Variants in RASSF3 observed in about 807,000 individuals in gnomAD.
The protein encoded by RASSF3 is ras association domain-containing protein 3.
RASSF3 carries 19 observed loss-of-function variants against 19.9 expected under a neutral mutation model. The ratio of observed to expected loss-of-function variants is 0.96; its 90% CI spans 0.67 to 1.40. The LOEUF is 1.40. Ranked by LOEUF, RASSF3 falls within the 40% of genes most tolerant of loss-of-function variation. The pLI is 0.00. For synonymous variants in RASSF3, 110 were observed against 104.2 expected (o/e 1.06, Z -0.34); for missense variants, 306 against 289.8 (o/e 1.06, Z -0.41).
At chr12:64,518,871 G>C (rs908657888) in intron 1 of RASSF3, among the ~76,000 whole-genome samples, 1 of 152,176 alleles carries the variant, frequency 6.6e-6, no homozygotes, top group Non-Finnish European at 1.5e-5. Flanking sequence ...TATTCAAAGA[G>C]AGATATGGTC....
At position 64,559,282 on chromosome 12, in the gene RASSF3, C is replaced by T. The variant is rs369377846; in HGVS notation, c.294+17577C>T. 7.5e-4 allele frequency among the ~76,000 whole-genome samples: 110 copies of T among 146,560 alleles called. 1 individual carries two copies. The South Asian group carries it at 9.2e-3, about 12-fold the overall frequency. On this transcript the variant is annotated intron_variant, in intron 2 of 5. Coordinates refer to the RASSF3 transcript ENST00000637125. The stretch of plus-strand genomic sequence containing the variant: ...TTTTTGAGGCGGAGTCTCACACTGT[C>T]GTCCAGGCTGGAGTGCAGTGGCGCG...
At chr12:64,659,001 T>C (rs1181527244) in intron 1 of RASSF3, among the ~76,000 whole-genome samples, 1 of 152,128 alleles carries the variant, frequency 6.6e-6, no homozygotes, top group African/African-American at 2.4e-5. Flanking sequence ...GCCCAAGAGT[T>C]TATTAAGGCT....
intron 2 of RASSF3, among the ~76,000 whole-genome samples, chr12:64,587,495 G>A (rs909091414): frequency 3.3e-5 from 5 of 152,170 alleles, no homozygotes; most frequent in African/African-American, 1.2e-4. Context: ...AGACTGTTAT[G>A]CTGCCTGGCC....
chr12:64,631,230 C>T (rs1413756158), intron 1 of RASSF3, among the ~76,000 whole-genome samples: 1 of 152,046 alleles, frequency 6.6e-6, no homozygotes, highest in South Asian at 2.1e-4. Flanking sequence ...GGGTGGTTGT[C>T]CTGGGATCGG....
intron 1 of RASSF3, among the ~76,000 whole-genome samples, chr12:64,512,873 A>G (rs969698822): frequency 2.0e-5 from 3 of 152,180 alleles, no homozygotes; most frequent in African/African-American, 4.8e-5. Context: ...AGAAAGTAGC[A>G]TAAGTTTATT....
At chr12:64,576,943 T>C (rs1200492740) in intron 2 of RASSF3, among the ~76,000 whole-genome samples, 1 of 151,690 alleles carries the variant, frequency 6.6e-6, no homozygotes, top group African/African-American at 2.4e-5. Context: ...GCATGCATGC[T>C]ATAATAACAA....
At chr12:64,599,683 T>C (rs1275809196) in intron 2 of RASSF3, among the ~76,000 whole-genome samples, 1 of 152,096 alleles carries the variant, frequency 6.6e-6, no homozygotes, top group Non-Finnish European at 1.5e-5. Flanking sequence ...ATGCCACGCT[T>C]CCAGGGGAAG....
intron 2 of RASSF3, among the ~76,000 whole-genome samples, chr12:64,553,451 C>G (rs1869199092): frequency 6.6e-6 from 1 of 152,070 alleles, no homozygotes; most frequent in Admixed American, 6.6e-5. Context: ...TTAAGAATTA[C>G]AAGAAGATAG....
intron 1 of RASSF3, among the ~76,000 whole-genome samples, chr12:64,613,090 A>G (rs949004198): frequency 5.9e-5 from 9 of 152,324 alleles, no homozygotes; most frequent in African/African-American, 1.9e-4. Flanking sequence ...TATTTAAAGA[A>G]GTGATATGAA....
intron 2 of RASSF3, among the ~76,000 whole-genome samples, chr12:64,558,099 A>T (rs937412557): frequency 6.6e-6 from 1 of 152,170 alleles, no homozygotes. Context: ...AAAAGTGACC[A>T]GTTCTCTTGC....
intron 2 of RASSF3, among the ~76,000 whole-genome samples, chr12:64,580,436 C>T (rs966715546): frequency 6.6e-6 from 1 of 152,106 alleles, no homozygotes; most frequent in South Asian, 2.1e-4. Flanking sequence ...CAGTGGTTCA[C>T]ACCTGTAGTC....
chr12:64,552,624 G>A (rs755904130), intron 2 of RASSF3, among the ~76,000 whole-genome samples: 1 of 152,106 alleles, frequency 6.6e-6, no homozygotes, highest in Non-Finnish European at 1.5e-5. Flanking sequence ...AGAACATGTG[G>A]TGTTTGGTTT....
At chr12:64,587,139 C>T (rs554536405) in intron 2 of RASSF3, among the ~76,000 whole-genome samples, 19 of 84 alleles carry the variant, frequency 0.23, no homozygotes, top group South Asian at 0.42. Context: ...CTGCAACCTC[C>T]GCCTCCTAGG....
intron 1 of RASSF3, among the ~76,000 whole-genome samples, chr12:64,637,247 A>G (rs1033346739): frequency 6.6e-6 from 1 of 152,104 alleles, no homozygotes; most frequent in Non-Finnish European, 1.5e-5. Context: ...AGAAGCTTGG[A>G]TTTGGGTTTT....
At chr12:64,693,194 A>G (rs1035732043) in intron 4 of RASSF3, among the ~76,000 whole-genome samples, 5 of 142,344 alleles carry the variant, frequency 3.5e-5, no homozygotes, top group Non-Finnish European at 7.5e-5. Context: ...TTCTCCAGGA[A>G]TTCTTCTACC....
chr12:64,536,997 C>T (rs911788753), intron 1 of RASSF3, among the ~76,000 whole-genome samples: 1 of 152,232 alleles, frequency 6.6e-6, no homozygotes, highest in Non-Finnish European at 1.5e-5. Flanking sequence ...TCCTGACGGC[C>T]ACATCTCCTG....
intron 2 of RASSF3, among the ~76,000 whole-genome samples, chr12:64,572,662 T>G (rs941591445): frequency 1.5e-4 from 23 of 152,220 alleles, no homozygotes; most frequent in African/African-American, 5.3e-4. Context: ...TTTACTAAAT[T>G]AATGAAAGAG....
intron 1 of RASSF3, chr12:64,628,581 C>T (rs931060745): frequency 6.6e-6 from 1 of 151,676 alleles, no homozygotes; most frequent in Non-Finnish European, 1.5e-5. Context: ...ACTGCAACCC[C>T]ACCTCCCAGG....
At chr12:64,647,561 C>G (rs936405785) in intron 1 of RASSF3, among the ~76,000 whole-genome samples, 4 of 152,052 alleles carry the variant, frequency 2.6e-5, no homozygotes, top group Non-Finnish European at 5.9e-5. Context: ...CAGGCATCCA[C>G]CACCACGCCC....
Sources: gnomAD v4.1 joint callset for allele counts (sites outside exome capture counted in the v4.1 genomes callset) on GRCh38, gnomAD v4.1.1 for gene constraint, MANE v1.5 for transcripts, NCBI Gene and HGNC (gene_info 2026-07-23, HGNC 2026-07-21) for gene names.